The following TIFA variants were observed in gnomAD, a reference collection of about 807,000 sequenced individuals.
TIFA encodes TRAF interacting protein with forkhead associated domain.
For missense variants in TIFA, 186 were observed against 215.2 expected (o/e 0.86, Z 0.85); for synonymous variants, 75 against 79.2 (o/e 0.95, Z 0.28).
intron 1 of TIFA, among the ~76,000 whole-genome samples, chr4:112,281,969 G>T (rs1045514483): frequency 8.5e-5 from 13 of 152,188 alleles, no homozygotes; most frequent in African/African-American, 3.1e-4. Flanking sequence ...ACAGTGATAT[G>T]GTTTGGCTGT....
intron 1 of TIFA, among the ~76,000 whole-genome samples, chr4:112,279,678 T>C (rs1051266166): frequency 8.0e-4 from 22 of 27,580 alleles, no homozygotes; most frequent in Middle Eastern, 0.025. Flanking sequence ...TTGTTCCTCT[T>C]TTTTTTTTTT....
Position 112,276,954 on chromosome 4 carries a change from A to G in TIFA, c.*908T>C, listed in dbSNP as rs998280128. The G allele has an allele frequency of 1.3e-5, 2 of 152,336 alleles. No homozygotes were observed. Among genetic ancestry groups the G allele is most frequent in the South Asian group, 2.1e-4 (1 of 4,828 alleles). 9.4% of individuals were successfully genotyped at this position (152,336 alleles called of 1,614,324 possible). A position where few individuals can be genotyped will look rare whatever the true frequency, so the allele number is the denominator to read the frequency against. On this transcript the variant is annotated 3_prime_UTR_variant, in exon 2 of 2. Coordinates refer to ENST00000361717, the MANE Select transcript of TIFA (RefSeq NM_052864.3). ...AATAAATTTTTATTTAAGAACTGAA[A>G]AAGACTTTTTTGAAGTTAATATTTT...
At chr4:112,285,059 T>C (rs774398169) in intron 1 of TIFA, among the ~76,000 whole-genome samples, 5 of 152,208 alleles carry the variant, frequency 3.3e-5, no homozygotes, top group African/African-American at 4.8e-5. Flanking sequence ...TGAGGCTCAG[T>C]GTGGATTTTG....
chr4:112,279,662 C>T (rs1406545437), intron 1 of TIFA, among the ~76,000 whole-genome samples: 1 of 134,460 alleles, frequency 7.4e-6, no homozygotes, highest in Non-Finnish European at 1.6e-5. Flanking sequence ...AGTTCTGAAC[C>T]TTTCTTTGTT....
rs770536962 is a variant in TIFA, at chr4:112,277,900, T to C, written c.517A>G (p.Ser173Gly). 80 of 1,607,412 alleles carry C rather than the reference T, an allele frequency of 5.0e-5. No homozygotes were observed. The highest frequency in any genetic ancestry group is 6.5e-5 in the Non-Finnish European group (76 of 1,177,984). Residue 173 changes from serine to glycine, a missense_variant, in exon 2 of 2, where the codon AGC (serine) becomes GGC (glycine). Transcript: ENST00000361717. ...TCATCCATTTCTGTCGGAGAACTGCTTTGGGAGGAGCAGAGCGAATAAGTG... is the reference window on the plus strand; with the variant it reads ...TCATCCATTTCTGTCGGAGAACTGCCTTGGGAGGAGCAGAGCGAATAAGTG... ...YGTYSLCSSQ[S>G]SSPTEMDENE...
At chr4:112,282,288 T>C (rs1362215963) in intron 1 of TIFA, among the ~76,000 whole-genome samples, 1 of 152,126 alleles carries the variant, frequency 6.6e-6, no homozygotes, top group Non-Finnish European at 1.5e-5. Context: ...AATTACCCGG[T>C]CTCAGGTATG....
rs1038227328 is a variant in TIFA at position 112,277,832 on chromosome 4, A to C, written c.*30T>G. On this transcript the variant is annotated 3_prime_UTR_variant, in exon 2 of 2. Coordinates refer to ENST00000361717, the MANE Select transcript of TIFA (RefSeq NM_052864.3). ...ACAGCATCTACAGAGCTCTTCATCCATCATATTTCTCCTCTTAGACTTTCT... is the reference window on the plus strand; with the variant it reads ...ACAGCATCTACAGAGCTCTTCATCCCTCATATTTCTCCTCTTAGACTTTCT... 1.3e-6 allele frequency: 2 copies of C among 1,549,830 alleles called. No individual in the cohort carries two copies. Among genetic ancestry groups the C allele is most frequent in the Non-Finnish European group, 1.7e-6 (2 of 1,151,868 alleles).
chr4:112,278,474 T>C, intron 1 of TIFA, 40 bp from the exon 2 acceptor site: 1 of 1,483,868 alleles, frequency 6.7e-7, no homozygotes, highest in Non-Finnish European at 9.0e-7. Context: ...CTGCTTATGC[T>C]TGAGGCATTG....
At chr4:112,280,028 T>C (rs1727196308) in intron 1 of TIFA, among the ~76,000 whole-genome samples, 1 of 152,156 alleles carries the variant, frequency 6.6e-6, no homozygotes. Context: ...CTTACAAATA[T>C]ACCTCATTCT....
rs1290591025 is a variant in TIFA at position 112,282,217 on chromosome 4, T to C, written c.-19+3423A>G. On this transcript the variant is annotated intron_variant, in intron 1 of 1. Coordinates refer to ENST00000361717, the MANE Select transcript of TIFA (RefSeq NM_052864.3). The stretch of plus-strand genomic sequence containing the variant: ...ACTTGCTCCTCCTTGCCTTCTGCCA[T>C]GATTGTGAGGCTTCCCCAGCCATGT... 4.6e-5 allele frequency among the ~76,000 whole-genome samples: 7 copies of C among 152,206 alleles called. No individual in the cohort carries two copies. In the South Asian group the frequency reaches 1.2e-3, roughly 27 times the overall value.
Position 112,277,676 on chromosome 4 carries a change from A to AGGCCGCCG in TIFA, c.*185_*186insCGGCGGCC. On this transcript the variant is annotated 3_prime_UTR_variant, in exon 2 of 2. Transcript: ENST00000361717. ...TAAAATAATTTTGTGTAGATCCAGA[A>AGGCCGCCG]TACAACAGGTGACTAAGTTAATGAC... 2.7e-6 allele frequency: 1 copy of AGGCCGCCG among 374,506 alleles called. No individual in the cohort carries two copies. Among genetic ancestry groups the AGGCCGCCG allele is most frequent in the South Asian group, 1.2e-4 (1 of 8,444 alleles). The allele number at this position is 374,506 out of a possible 1,614,324, so 23.2% of individuals were successfully genotyped here. A position where few individuals can be genotyped will look rare whatever the true frequency, so the allele number is the denominator to read the frequency against.
chr4:112,277,794 A>G lies in TIFA; in HGVS notation c.*68T>C. On this transcript the variant is annotated 3_prime_UTR_variant, in exon 2 of 2. Coordinates refer to ENST00000361717, the MANE Select transcript of TIFA (RefSeq NM_052864.3). The stretch of plus-strand genomic sequence containing the variant: ...TAATATACTACCCTAATCAACTCTT[A>G]TTTAGTGTCTATACAGCATCTACAG... The G allele has an allele frequency of 6.9e-7, 1 of 1,439,362 alleles. No individual in the cohort carries two copies. Among genetic ancestry groups the G allele is most frequent in the Middle Eastern group, 2.6e-4 (1 of 3,898 alleles). 89.2% of individuals were successfully genotyped at this position (1,439,362 alleles called of 1,614,324 possible).
chr4:112,283,061 A>T (rs1170587791), intron 1 of TIFA, among the ~76,000 whole-genome samples: 2 of 152,162 alleles, frequency 1.3e-5, no homozygotes, highest in Non-Finnish European at 2.9e-5. Flanking sequence ...CTTCACTGAT[A>T]AGGGAGCTGA....
At chr4:112,280,376 C>T (rs1261476524) in intron 1 of TIFA, among the ~76,000 whole-genome samples, 10 of 108,234 alleles carry the variant, frequency 9.2e-5, no homozygotes, top group East Asian at 2.7e-4. Flanking sequence ...TTGGAGACAG[C>T]GTCTTGCTGT....
chr4:112,277,409 A>G lies in TIFA; in HGVS notation c.*453T>C, dbSNP rs889831397. On this transcript the variant is annotated 3_prime_UTR_variant, in exon 2 of 2. Transcript: ENST00000361717. ...ACACTAGCCTAGAACCTATTCCAGT[A>G]CTGCAAGTACTGACAGGCTGCAAAC... 1 of 156,740 alleles carries G rather than the reference A, an allele frequency of 6.4e-6. No individual in the cohort carries two copies. The highest frequency in any genetic ancestry group is 1.4e-5 in the Non-Finnish European group (1 of 70,808). The allele number at this position is 156,740 out of a possible 1,614,324, so 9.7% of individuals were successfully genotyped here. A position where few individuals can be genotyped will look rare whatever the true frequency, so the allele number is the denominator to read the frequency against.
In TIFA at chr4:112,277,456, G is replaced by A. The variant is rs1727137379; in HGVS notation, c.*406C>T. 6.2e-6 allele frequency: 1 copy of A among 160,050 alleles called. No individual in the cohort carries two copies. Among genetic ancestry groups the A allele is most frequent in the Non-Finnish European group, 1.4e-5 (1 of 72,804 alleles). 9.9% of individuals were successfully genotyped at this position (160,050 alleles called of 1,614,324 possible). ...AAACACCAGTAACAACCTGCCTGGA[G>A]CCTTGACCTTGAAAACAAATGGCTG... On this transcript the variant is annotated 3_prime_UTR_variant, in exon 2 of 2. Transcript: ENST00000361717.
chr4:112,285,366 A>C (rs1727303376), intron 1 of TIFA: 1 of 152,212 alleles, frequency 6.6e-6, no homozygotes, highest in Non-Finnish European at 1.5e-5. Flanking sequence ...AACGTTGAAA[A>C]GAATACCAAA....
chr4:112,283,247 A>C (rs1560621958), intron 1 of TIFA, among the ~76,000 whole-genome samples: 3 of 152,202 alleles, frequency 2.0e-5, no homozygotes, highest in Admixed American at 6.5e-5. Flanking sequence ...TGTGGGCTAC[A>C]ACCAGCAAGG....
At chr4:112,278,539 A>C (rs1578431275) in intron 1 of TIFA, 105 bp from the exon 2 acceptor site, 2 of 882,408 alleles carry the variant, frequency 2.3e-6, no homozygotes, top group South Asian at 3.8e-5. Flanking sequence ...ATTTATCTGG[A>C]CTTTAAGAAA....
Sources: allele counts gnomAD v4.1 joint callset (sites outside exome capture counted in the v4.1 genomes callset), GRCh38; gene constraint gnomAD v4.1.1; transcripts MANE v1.5; gene names NCBI Gene and HGNC (gene_info 2026-07-23, HGNC 2026-07-21).